Variants in PSMA1 observed in about 807,000 individuals in gnomAD.
PSMA1 encodes the protein proteasome subunit alpha type-1.
PSMA1 carries 3 observed loss-of-function variants against 38.4 expected under a neutral mutation model. The observed-to-expected ratio is 0.08, with a 90% CI of 0.04 to 0.20. The LOEUF (loss-of-function observed/expected upper bound fraction) is 0.20, where lower values mean the gene tolerates loss of function less well. Among genes scored for constraint, PSMA1 ranks in the 10% least tolerant of loss-of-function variants. The pLI is 1.00. For missense variants in PSMA1, 227 were observed against 325.3 expected, an observed-to-expected ratio of 0.70 and a Z score of 2.32; for synonymous variants, 101 against 107.1, an observed-to-expected ratio of 0.94 and a Z score of 0.35.
exon 1 of PSMA1, chr11:14,643,595 G>C (rs1853252076): frequency 6.6e-6 from 1 of 151,786 alleles, no homozygotes; most frequent in African/African-American, 2.4e-5. Context: ...GGGCACGCTG[G>C]GTCGGCGTGG....
chr11:14,567,092 G>C (rs1852081021), intron 2 of PSMA1, among the ~76,000 whole-genome samples: 1 of 152,226 alleles, frequency 6.6e-6, no homozygotes, highest in Non-Finnish European at 1.5e-5. Context: ...TCTGCTGAGA[G>C]AATCAGAAAA....
chr11:14,605,934 C>T (rs930165198), intron 2 of PSMA1, among the ~76,000 whole-genome samples: 2 of 152,080 alleles, frequency 1.3e-5, no homozygotes, highest in Non-Finnish European at 2.9e-5. Context: ...CTTTTTAGAA[C>T]GTCATAAATT....
At chr11:14,538,105 G>T (rs1185705542) in intron 2 of PSMA1, among the ~76,000 whole-genome samples, 1 of 151,918 alleles carries the variant, frequency 6.6e-6, no homozygotes, top group African/African-American at 2.4e-5. Flanking sequence ...TTTTTTTCAG[G>T]CAATCTTTCA....
intron 2 of PSMA1, among the ~76,000 whole-genome samples, chr11:14,594,197 A>G (rs1285806801): frequency 4.6e-5 from 7 of 152,148 alleles, no homozygotes; most frequent in African/African-American, 1.7e-4. Context: ...AATGTTTCTT[A>G]TTATTAAAGC....
intron 8 of PSMA1, among the ~76,000 whole-genome samples, 164 bp downstream of exon 8, chr11:14,510,708 A>T (rs1851328830): frequency 6.6e-6 from 1 of 152,222 alleles, no homozygotes; most frequent in African/African-American, 2.4e-5. Context: ...AGAAATGTTT[A>T]AAAAATAAAA....
At chr11:14,586,376 G>T (rs558623509) in intron 2 of PSMA1, among the ~76,000 whole-genome samples, 1 of 152,066 alleles carries the variant, frequency 6.6e-6, no homozygotes, top group East Asian at 1.9e-4. Flanking sequence ...AGGCTGCAGT[G>T]AGCCGAGATC....
chr11:14,638,541 CTCTCTATATATATATATATATATATATA>C (rs1210232859), intron 1 of PSMA1, among the ~76,000 whole-genome samples: 21 of 15,700 alleles, frequency 1.3e-3, no homozygotes, highest in East Asian at 0.011. Context: ...CTCTCTCTCT[CTCTCTATATATATATATATATATATATA>C]TATATATATA....
intron 2 of PSMA1, among the ~76,000 whole-genome samples, chr11:14,525,973 T>A (rs1220712044): frequency 2.0e-5 from 3 of 152,204 alleles, no homozygotes; most frequent in Non-Finnish European, 4.4e-5. Context: ...GACACCCTCC[T>A]GCTCCTTCAA....
chr11:14,519,248 T>A, intron 1 of PSMA1: 1 of 621,828 alleles, frequency 1.6e-6, no homozygotes, highest in Non-Finnish European at 3.0e-6. Context: ...CAGATCTAAA[T>A]GGGTCCTATT....
chr11:14,553,499 T>G (rs1349638041), intron 2 of PSMA1, among the ~76,000 whole-genome samples: 1 of 152,170 alleles, frequency 6.6e-6, no homozygotes, highest in Non-Finnish European at 1.5e-5. Context: ...CCATCCCTAG[T>G]GCCACTAATC....
At chr11:14,509,713 G>GTTTTT (rs34597306) in intron 8 of PSMA1, among the ~76,000 whole-genome samples, 6 of 109,954 alleles carry the variant, frequency 5.5e-5, no homozygotes, top group Non-Finnish European at 7.4e-5. Flanking sequence ...CAAACCGGTT[G>GTTTTT]TTTTTTTTTT....
intron 2 of PSMA1, among the ~76,000 whole-genome samples, chr11:14,576,032 G>T (rs1852209630): frequency 6.6e-6 from 1 of 152,164 alleles, no homozygotes; most frequent in Non-Finnish European, 1.5e-5. Flanking sequence ...ATTTTTTCAT[G>T]TGTCTGTTGC....
rs925347856 is a variant in PSMA1 at position 14,520,135 on chromosome 11, C to T, written c.3+162G>A. On this transcript the variant is annotated intron_variant, in intron 1 of 9. Coordinates refer to ENST00000396394, the MANE Select transcript of PSMA1 (RefSeq NM_002786.4). The stretch of plus-strand genomic sequence containing the variant: ...TGGCTACCGATAACCCCTAGCCCGG[C>T]CAGGCCGGAGATGCTGAATCACTGC... 107 of 1,164,736 alleles carry T rather than the reference C, an allele frequency of 9.2e-5. No homozygotes were observed. In the African/African-American group the frequency reaches 1.5e-3, roughly 16 times the overall value. 72.2% of individuals were successfully genotyped at this position (1,164,736 alleles called of 1,614,324 possible). A position where few individuals can be genotyped will look rare whatever the true frequency, so the allele number is the denominator to read the frequency against.
intron 1 of PSMA1, among the ~76,000 whole-genome samples, chr11:14,618,792 G>C (rs919343431): frequency 1.1e-4 from 17 of 152,306 alleles, no homozygotes; most frequent in Middle Eastern, 6.8e-3. Context: ...TTCCCTGAAG[G>C]ATACTAAACA....
intron 2 of PSMA1, among the ~76,000 whole-genome samples, chr11:14,590,012 T>C (rs1409663425): frequency 6.6e-6 from 1 of 152,172 alleles, no homozygotes; most frequent in Admixed American, 6.5e-5. Context: ...ATTATCCAGC[T>C]TTAAAAGGGG....
intron 2 of PSMA1, among the ~76,000 whole-genome samples, chr11:14,531,204 C>T (rs1283370978): frequency 2.6e-5 from 4 of 151,778 alleles, no homozygotes; most frequent in Non-Finnish European, 4.4e-5. Flanking sequence ...GGGTAGATTG[C>T]GTGTTGTTGA....
intron 2 of PSMA1, among the ~76,000 whole-genome samples, chr11:14,582,338 C>G (rs1408254019): frequency 2.0e-5 from 3 of 152,056 alleles, no homozygotes; most frequent in African/African-American, 4.8e-5. Flanking sequence ...ACCTGGCTTT[C>G]TCTCCCCACC....
chr11:14,633,952 C>T (rs1272431447), intron 1 of PSMA1, among the ~76,000 whole-genome samples: 1 of 152,222 alleles, frequency 6.6e-6, no homozygotes, highest in African/African-American at 2.4e-5. Flanking sequence ...AACTCCCTGA[C>T]CCCTTGCGCT....
At chr11:14,642,473 G>A (rs1460176985) in intron 1 of PSMA1, among the ~76,000 whole-genome samples, 2 of 152,166 alleles carry the variant, frequency 1.3e-5, no homozygotes, top group Non-Finnish European at 2.9e-5. Flanking sequence ...TTAAATTCTT[G>A]TGCTAATTTC....
Sources: allele counts gnomAD v4.1 joint callset (sites outside exome capture counted in the v4.1 genomes callset), GRCh38; gene constraint gnomAD v4.1.1; transcripts MANE v1.5; gene names NCBI Gene and HGNC (gene_info 2026-07-23, HGNC 2026-07-21).